The following KDM1B variants were observed in gnomAD, a reference collection of about 807,000 sequenced individuals.
KDM1B encodes lysine-specific histone demethylase 2.
A neutral mutation model predicts 107.4 loss-of-function variants in KDM1B; 63 were observed. The observed-to-expected ratio is 0.59, with a 90% CI of 0.48 to 0.72. KDM1B has a LOEUF of 0.72. Ranked by LOEUF, KDM1B falls within the 30% of genes least tolerant of loss-of-function variation. KDM1B has a pLI of 0.00. For missense variants in KDM1B, 749 were observed against 1,020.8 expected (o/e 0.73, Z 3.63); for synonymous variants, 363 against 363.9 (o/e 1.00, Z 0.03).
chr6:18,206,619 C>G (rs984283290), intron 15 of KDM1B, among the ~76,000 whole-genome samples: 38 of 152,198 alleles, frequency 2.5e-4, no homozygotes, highest in Admixed American at 2.1e-3. Context: ...GAGATGGGGT[C>G]TTGCCATGTT....
At position 18,203,602 on chromosome 6, in the gene KDM1B, C is replaced by G. The variant is rs1337247967; in HGVS notation, c.1532-1935C>G. On this transcript the variant is annotated intron_variant, in intron 14 of 21. Transcript: ENST00000650836. This position sits in a 1 kb window ranked among gnomAD's most constrained non-coding sequence, Gnocchi z 5.5. The stretch of plus-strand genomic sequence containing the variant: ...GCGCGGTGGCTAACGCCTGTAATCT[C>G]AGCACTTTGGGAGGCCAAGGCGGGT... Among the ~76,000 whole-genome samples the G allele has an allele frequency of 6.6e-6, 1 of 152,170 alleles. No individual in the cohort carries two copies. Among genetic ancestry groups the G allele is most frequent in the African/African-American group, 2.4e-5 (1 of 41,440 alleles).
intron 3 of KDM1B, among the ~76,000 whole-genome samples, chr6:18,160,654 C>T (rs560922149): frequency 6.8e-4 from 103 of 151,776 alleles, no homozygotes; most frequent in African/African-American, 2.3e-3. Context: ...AGGAGAATGG[C>T]GTGAACCTGG....
intron 7 of KDM1B, among the ~76,000 whole-genome samples, chr6:18,179,836 ATTGGTTTTTTTTC>A (rs757183990): frequency 2.4e-5 from 2 of 83,514 alleles, no homozygotes; most frequent in African/African-American, 4.9e-5. Flanking sequence ...TCAATTTAGC[ATTGGTTTTTTTTC>A]CTTTTTTTTT....
In KDM1B at chr6:18,197,251, T is replaced by C. The variant is rs750012841; in HGVS notation, c.1146+18T>C. On this transcript the variant is annotated intron_variant, in intron 11 of 21. Coordinates refer to ENST00000650836, the MANE Select transcript of KDM1B (RefSeq NM_001364614.2). The surrounding 1 kb of genome is among the most constrained non-coding windows in gnomAD (Gnocchi z 4.5). ...ACCACAATGTAGGTGATTATAGCTT[T>C]AGCGATAGCCTTGCCATTGATCAGG... 1.1e-5 allele frequency: 18 copies of C among 1,605,670 alleles called. No homozygotes were observed. In the East Asian group the frequency reaches 3.8e-4, roughly 34 times the overall value.
rs1016538924 is a variant in KDM1B, at chr6:18,159,485, C to T, written c.-13-398C>T. Among the ~76,000 whole-genome samples the T allele has an allele frequency of 1.3e-5, 2 of 152,134 alleles. No individual in the cohort carries two copies. The highest frequency in any genetic ancestry group is 2.4e-5 in the African/African-American group (1 of 41,428). On this transcript the variant is annotated intron_variant, in intron 2 of 21. Coordinates refer to ENST00000650836, the MANE Select transcript of KDM1B (RefSeq NM_001364614.2). This position sits in a 1 kb window ranked among gnomAD's most constrained non-coding sequence, Gnocchi z 4.5. ...ATAGGTAATGTTTATTGAGTACTTA[C>T]GATATGCCAGTTTTGGTGCTTTAAA...
intron 5 of KDM1B, among the ~76,000 whole-genome samples, chr6:18,164,596 A>G (rs955436695): frequency 2.0e-5 from 3 of 152,118 alleles, no homozygotes; most frequent in Non-Finnish European, 4.4e-5. Flanking sequence ...TAATGTTAGC[A>G]TGATACACCT....
intron 3 of KDM1B, among the ~76,000 whole-genome samples, chr6:18,160,985 C>T (rs1188858102): frequency 7.2e-5 from 11 of 151,778 alleles, no homozygotes; most frequent in Admixed American, 3.3e-4. Context: ...GACTCCTGAG[C>T]TTAAGTGATC....
intron 7 of KDM1B, among the ~76,000 whole-genome samples, chr6:18,179,240 G>A (rs933418927): frequency 6.6e-6 from 1 of 151,774 alleles, no homozygotes; most frequent in African/African-American, 2.4e-5. Flanking sequence ...CATTCCTGGG[G>A]GAAAAAAATC....
chr6:18,185,225 C>T (rs1453341386), intron 7 of KDM1B, among the ~76,000 whole-genome samples: 2 of 151,814 alleles, frequency 1.3e-5, no homozygotes, highest in Non-Finnish European at 1.5e-5. Flanking sequence ...TTGTCACCGC[C>T]CTTCGTGGTT....
chr6:18,189,125 A>G (rs930548354), intron 9 of KDM1B, among the ~76,000 whole-genome samples: 1 of 152,100 alleles, frequency 6.6e-6, no homozygotes, highest in East Asian at 1.9e-4. Context: ...TCTACATTAG[A>G]ATTCTTGGTG....
At chr6:18,156,914 C>T (rs1039718484) in intron 2 of KDM1B, among the ~76,000 whole-genome samples, 2 of 151,780 alleles carry the variant, frequency 1.3e-5, no homozygotes, top group African/African-American at 4.8e-5. Context: ...AAGACTCCGT[C>T]TCAAAAAAAA....
intron 17 of KDM1B, among the ~76,000 whole-genome samples, chr6:18,208,753 TC>T (rs1234716329): frequency 4.9e-5 from 7 of 141,844 alleles, no homozygotes; most frequent in Non-Finnish European, 1.1e-4. Context: ...CACGCCATTC[TC>T]CTGCCTCAAC....
chr6:18,215,859 C>CT (rs1561957293), intron 20 of KDM1B, among the ~76,000 whole-genome samples: 1 of 151,814 alleles, frequency 6.6e-6, no homozygotes, highest in African/African-American at 2.4e-5. Context: ...CCTTGGCCAG[C>CT]TTTTTTTAAT....
In KDM1B at chr6:18,223,332, C is replaced by G. The variant is rs1789919206; in HGVS notation, c.*1340C>G. 1 of 131,038 alleles carries G rather than the reference C, an allele frequency of 7.6e-6. No homozygotes were observed. The highest frequency in any genetic ancestry group is 1.7e-5 in the Non-Finnish European group (1 of 60,424). 8.1% of individuals were successfully genotyped at this position (131,038 alleles called of 1,614,324 possible). A position where few individuals can be genotyped will look rare whatever the true frequency, so the allele number is the denominator to read the frequency against. ...CCTCAGGCATTTAAGACACCTCCCC[C>G]ACCGCCCGCCCCCCGCCCCCCCCAA... On this transcript the variant is annotated 3_prime_UTR_variant, in exon 22 of 22. Coordinates refer to ENST00000650836, the MANE Select transcript of KDM1B (RefSeq NM_001364614.2).
chr6:18,173,766 A>G (rs1785814148), intron 7 of KDM1B, among the ~76,000 whole-genome samples: 1 of 152,018 alleles, frequency 6.6e-6, no homozygotes, highest in South Asian at 2.1e-4. Flanking sequence ...ACTTTGTATT[A>G]TCTTAGCACC....
In KDM1B at chr6:18,157,544, A is replaced by G. The variant is rs1318331601; in HGVS notation, c.-14+1618A>G. On this transcript the variant is annotated intron_variant, in intron 2 of 21. Coordinates refer to ENST00000650836, the MANE Select transcript of KDM1B (RefSeq NM_001364614.2). ...TAGGCTGATTCATTTATGTTCCTAA[A>G]CCACACATTTGACTTCAGATATTTT... 7.9e-5 allele frequency among the ~76,000 whole-genome samples: 12 copies of G among 152,196 alleles called. No individual in the cohort carries two copies. In the East Asian group the frequency reaches 2.3e-3, roughly 29 times the overall value.
chr6:18,195,500 G>A (rs541066828), intron 10 of KDM1B, among the ~76,000 whole-genome samples: 1 of 152,204 alleles, frequency 6.6e-6, no homozygotes, highest in South Asian at 2.1e-4. Context: ...TTGGGAGGTC[G>A]AGGCGGGTGG....
In KDM1B at chr6:18,222,773, TTAAA is replaced by T. The variant is rs1789861395; in HGVS notation, c.*784_*787del. On this transcript the variant is annotated 3_prime_UTR_variant, in exon 22 of 22. Coordinates refer to ENST00000650836, the MANE Select transcript of KDM1B (RefSeq NM_001364614.2). Reference sequence around the variant, plus strand: ...AGCCAAATTTGGGTGATAGGACACTTTAAATATCCTTAATTTTGGCAACCACTAG... The same window carrying T: ...AGCCAAATTTGGGTGATAGGACACTTTATCCTTAATTTTGGCAACCACTAG... 1 of 152,618 alleles carries T rather than the reference TTAAA, an allele frequency of 6.6e-6. No homozygotes were observed. The highest frequency in any genetic ancestry group is 2.4e-5 in the African/African-American group (1 of 41,442). The allele number at this position is 152,618 out of a possible 1,614,324, so 9.5% of individuals were successfully genotyped here.
At position 18,199,625 on chromosome 6, in the gene KDM1B, A is replaced by G. The variant is rs182799605; in HGVS notation, c.1222-814A>G. On this transcript the variant is annotated intron_variant, in intron 12 of 21. Coordinates refer to ENST00000650836, the MANE Select transcript of KDM1B (RefSeq NM_001364614.2). Reference sequence around the variant, plus strand: ...CCACCAGCATTAGAAATTTGGGGGCAATAAAATAGCCTGGGTATGAGACAG... The same window carrying G: ...CCACCAGCATTAGAAATTTGGGGGCGATAAAATAGCCTGGGTATGAGACAG... 1.0e-3 allele frequency among the ~76,000 whole-genome samples: 152 copies of G among 152,206 alleles called. 2 individuals are homozygous for G. The highest frequency in any genetic ancestry group is 9.5e-3 in the South Asian group (46 of 4,818).
Sources: allele counts gnomAD v4.1 joint callset (sites outside exome capture counted in the v4.1 genomes callset), GRCh38; gene constraint gnomAD v4.1.1; non-coding constraint Gnocchi (gnomAD v3.1); transcripts MANE v1.5; gene names NCBI Gene and HGNC (gene_info 2026-07-23, HGNC 2026-07-21).